Variants in KLF12 observed in about 807,000 individuals in gnomAD.
KLF12 encodes Krueppel-like factor 12.
In KLF12, 9 loss-of-function variants were observed where a neutral mutation model predicts 37.8. The ratio of observed to expected loss-of-function variants is 0.24; its 90% CI spans 0.14 to 0.42. KLF12 has a LOEUF of 0.42. Ranked by LOEUF, KLF12 falls within the 10% of genes least tolerant of loss-of-function variation. KLF12 has a pLI of 1.00. For synonymous variants in KLF12, 208 were observed against 202.1 expected (o/e 1.03, Z -0.25); for missense variants, 411 against 516.0 (o/e 0.80, Z 1.97).
chr13:74,003,308 A>C (rs1449235036), intron 1 of KLF12, among the ~76,000 whole-genome samples: 1 of 152,208 alleles, frequency 6.6e-6, no homozygotes, highest in African/African-American at 2.4e-5. Flanking sequence ...AGTAGATTTA[A>C]GTCTGAATTT....
intron 3 of KLF12, among the ~76,000 whole-genome samples, chr13:73,917,848 G>A (rs781622239): frequency 3.9e-5 from 6 of 152,070 alleles, no homozygotes; most frequent in South Asian, 2.1e-4. Flanking sequence ...GTATTCAGAA[G>A]GCATTTTAAA....
the KLF12 span, among the ~76,000 whole-genome samples, chr13:74,242,987 C>A: frequency 6.6e-6 from 1 of 152,140 alleles, no homozygotes; most frequent in South Asian, 2.1e-4. Context: ...ATATGCAGAA[C>A]GTGCAGGATT....
the KLF12 span, among the ~76,000 whole-genome samples, chr13:74,158,522 AG>A: frequency 6.6e-6 from 1 of 152,172 alleles, no homozygotes; most frequent in Non-Finnish European, 1.5e-5. Flanking sequence ...AACTTGGATT[AG>A]GAAGCAGTTG....
chr13:74,223,514 C>T, the KLF12 span, among the ~76,000 whole-genome samples: 1 of 152,296 alleles, frequency 6.6e-6, no homozygotes, highest in Non-Finnish European at 1.5e-5. Flanking sequence ...GTAAAGGATA[C>T]TCTGCTACAT....
At chr13:74,096,365 CA>C (rs1875986568) in intron 1 of KLF12, among the ~76,000 whole-genome samples, 1 of 152,130 alleles carries the variant, frequency 6.6e-6, no homozygotes, top group Non-Finnish European at 1.5e-5. Context: ...AACTAGACCA[CA>C]TATAACTACA....
At chr13:73,878,741 A>G (rs1886833928) in intron 3 of KLF12, among the ~76,000 whole-genome samples, 1 of 152,174 alleles carries the variant, frequency 6.6e-6, no homozygotes, top group Admixed American at 6.5e-5. Context: ...ATAAAGTGAG[A>G]CGTGATCTGA....
chr13:73,897,513 C>T (rs1340726622), intron 3 of KLF12, among the ~76,000 whole-genome samples: 1 of 152,100 alleles, frequency 6.6e-6, no homozygotes, highest in Non-Finnish European at 1.5e-5. Context: ...CAATACCAAA[C>T]GACGTGGCAT....
the KLF12 span, among the ~76,000 whole-genome samples, chr13:74,255,836 TG>T: frequency 1.3e-5 from 2 of 152,176 alleles, no homozygotes; most frequent in Non-Finnish European, 2.9e-5. Context: ...ATGAGATGAC[TG>T]AGATGACATC....
chr13:74,166,087 C>CG, the KLF12 span, among the ~76,000 whole-genome samples: 6 of 103,768 alleles, frequency 5.8e-5, no homozygotes, highest in Admixed American at 4.8e-4. Context: ...GCATAAACAC[C>CG]TTTTTTTTTT....
At chr13:74,213,990 G>A in the KLF12 span, among the ~76,000 whole-genome samples, 2 of 151,704 alleles carry the variant, frequency 1.3e-5, no homozygotes, top group Non-Finnish European at 2.9e-5. Context: ...CATTAGTTTT[G>A]TTGAATTCAT....
intron 1 of KLF12, among the ~76,000 whole-genome samples, chr13:74,123,555 C>T (rs1176910138): frequency 6.6e-6 from 1 of 152,140 alleles, no homozygotes; most frequent in Non-Finnish European, 1.5e-5. Flanking sequence ...TGGTAAATGC[C>T]CTAACTTTCT....
chr13:73,912,999 C>A (rs1038619930), intron 3 of KLF12, among the ~76,000 whole-genome samples: 1 of 151,474 alleles, frequency 6.6e-6, no homozygotes, highest in South Asian at 2.1e-4. Flanking sequence ...CTCCAAGAAA[C>A]CTTCCCTTAT....
intron 1 of KLF12, among the ~76,000 whole-genome samples, chr13:74,111,119 C>T (rs1190763657): frequency 2.7e-5 from 4 of 150,372 alleles, no homozygotes; most frequent in Non-Finnish European, 4.4e-5. Flanking sequence ...CACCATTGCA[C>T]TCCAGCCTGG....
intron 6 of KLF12, among the ~76,000 whole-genome samples, chr13:73,730,707 G>C (rs1437641678): frequency 6.6e-6 from 1 of 151,936 alleles, no homozygotes; most frequent in Admixed American, 6.6e-5. Flanking sequence ...TGGATGTGTC[G>C]GTGGTAAAGA....
At chr13:74,072,394 TATATATATATATAA>T (rs1453336803) in intron 1 of KLF12, among the ~76,000 whole-genome samples, 3 of 124,392 alleles carry the variant, frequency 2.4e-5, no homozygotes, top group African/African-American at 1.0e-4. Context: ...TATATATATA[TATATATATATATAA>T]AAGATTATCT....
At chr13:74,102,885 G>C (rs920105476) in intron 1 of KLF12, among the ~76,000 whole-genome samples, 10 of 152,190 alleles carry the variant, frequency 6.6e-5, no homozygotes, top group African/African-American at 2.4e-4. Flanking sequence ...CACCATAAGA[G>C]CAAAGAGACA....
intron 6 of KLF12, among the ~76,000 whole-genome samples, chr13:73,725,973 A>G (rs974213145): frequency 1.3e-5 from 2 of 151,800 alleles, no homozygotes; most frequent in Non-Finnish European, 2.9e-5. Context: ...GGTCCAAGCG[A>G]TTCTCCTGCC....
At chr13:73,780,363 G>A (rs1306778310) in intron 5 of KLF12, among the ~76,000 whole-genome samples, 2 of 152,144 alleles carry the variant, frequency 1.3e-5, no homozygotes, top group Non-Finnish European at 2.9e-5. Flanking sequence ...ACTGTACCCA[G>A]TGTGTGGTCT....
chr13:73,999,202 A>G (rs1179730655), intron 1 of KLF12, among the ~76,000 whole-genome samples: 1 of 152,226 alleles, frequency 6.6e-6, no homozygotes, highest in African/African-American at 2.4e-5. Flanking sequence ...TTCACAATTC[A>G]TGATTAAGCA....
Sources: gnomAD v4.1 joint callset for allele counts (sites outside exome capture counted in the v4.1 genomes callset) on GRCh38, gnomAD v4.1.1 for gene constraint, MANE v1.5 for transcripts, NCBI Gene and HGNC (gene_info 2026-07-23, HGNC 2026-07-21) for gene names.